Variants in BRD4 observed in about 807,000 individuals in gnomAD.
BRD4 encodes bromodomain containing 4.
Under a neutral mutation model 142.1 loss-of-function variants are expected in BRD4, and 16 were observed. The observed-to-expected ratio is 0.11, with a 90% CI of 0.08 to 0.17. The LOEUF (loss-of-function observed/expected upper bound fraction) is 0.17. Ranked by LOEUF, BRD4 falls within the 10% of genes least tolerant of loss-of-function variation. BRD4 has a pLI of 1.00. For missense variants in BRD4, 1,424 were observed against 1,810.9 expected (o/e 0.79, Z 3.88); for synonymous variants, 833 against 707.5 (o/e 1.18, Z -2.82).
chr19:15,244,138 T>G, intron 13 of BRD4, 93 bp downstream of exon 13: 2 of 1,532,268 alleles, frequency 1.3e-6, no homozygotes, highest in Non-Finnish European at 1.7e-6. Flanking sequence ...CAGCTGAGGC[T>G]AAGAAGCTGC....
intron 1 of BRD4, among the ~76,000 whole-genome samples, chr19:15,323,179 A>T (rs1002761001): frequency 1.0e-3 from 27 of 26,874 alleles, no homozygotes; most frequent in Middle Eastern, 0.019. Flanking sequence ...CCATCTCTTT[A>T]AAAAAAAAAA....
In BRD4 at chr19:15,238,288, C is replaced by A; in HGVS notation, c.*89G>T. 1 of 1,581,372 alleles carries A rather than the reference C, an allele frequency of 6.3e-7. No homozygotes were observed. The highest frequency in any genetic ancestry group is 8.6e-7 in the Non-Finnish European group (1 of 1,162,218). Reference sequence around the variant, plus strand: ...GGCCAGGCCCTGAGGCATCCCCTGGCCGCTGATCCCACCTCCACCACCGCC... The same window carrying A: ...GGCCAGGCCCTGAGGCATCCCCTGGACGCTGATCCCACCTCCACCACCGCC... On this transcript the variant is annotated 3_prime_UTR_variant, in exon 20 of 20. Coordinates refer to ENST00000679869, the MANE Select transcript of BRD4 (RefSeq NM_001379291.1). The surrounding 1 kb of genome is among the most constrained non-coding windows in gnomAD (Gnocchi z 7.2).
intron 3 of BRD4, 64 bp from the exon 4 acceptor site, chr19:15,267,615 C>G: frequency 6.5e-7 from 1 of 1,535,836 alleles, no homozygotes; most frequent in Non-Finnish European, 8.8e-7. Flanking sequence ...GTAGACAGGG[C>G]ACCCCATGCC....
chr19:15,274,092 A>C (rs187929597), intron 1 of BRD4, among the ~76,000 whole-genome samples: 2 of 152,342 alleles, frequency 1.3e-5, no homozygotes, highest in South Asian at 2.1e-4. Context: ...TGGAGATAGG[A>C]GGCCAGTGAG....
intron 1 of BRD4, among the ~76,000 whole-genome samples, chr19:15,306,438 T>C (rs1400416660): frequency 1.3e-5 from 2 of 152,028 alleles, no homozygotes; most frequent in Non-Finnish European, 2.9e-5. Context: ...CTGGCTACTT[T>C]TTCCATTTTT....
chr19:15,235,955 TG>T lies in BRD4; in HGVS notation c.*2421del, dbSNP rs2047189178. 6.6e-6 allele frequency: 1 copy of T among 152,044 alleles called. No homozygotes were observed. Among genetic ancestry groups the T allele is most frequent in the Admixed American group, 6.6e-5 (1 of 15,266 alleles). The allele number at this position is 152,044 out of a possible 1,614,324, so 9.4% of individuals were successfully genotyped here. ...GTCTGAACAAAACAAGGAACAAAAATGAGTGGGTGGGATGAGATGGAAGAAA... is the reference window on the plus strand; with the variant it reads ...GTCTGAACAAAACAAGGAACAAAAATAGTGGGTGGGATGAGATGGAAGAAA... On this transcript the variant is annotated 3_prime_UTR_variant, in exon 20 of 20. Coordinates refer to ENST00000679869, the MANE Select transcript of BRD4 (RefSeq NM_001379291.1).
intron 1 of BRD4, among the ~76,000 whole-genome samples, chr19:15,311,832 C>CA (rs1568408397): frequency 6.6e-6 from 1 of 151,980 alleles, no homozygotes; most frequent in South Asian, 2.1e-4. Context: ...ACTCAACAAA[C>CA]AAAAAATACT....
chr19:15,289,021 G>A (rs1208226344), intron 1 of BRD4, among the ~76,000 whole-genome samples: 1 of 152,126 alleles, frequency 6.6e-6, no homozygotes, highest in Admixed American at 6.5e-5. Context: ...TAACAACCTA[G>A]GGAAAGCAAA....
rs2047201384 is a variant in BRD4, at chr19:15,237,339, T to C, written c.*1038A>G. The C allele has an allele frequency of 9.9e-6, 2 of 201,098 alleles. No homozygotes were observed. The highest frequency in any genetic ancestry group is 1.6e-3 in the Middle Eastern group (1 of 640). The allele number at this position is 201,098 out of a possible 1,614,324, so 12.5% of individuals were successfully genotyped here. ...TAATAAAGTTTGAAACTGAGTAAAA[T>C]ATAGGCAGGATTTTTTTTGTGTGTT... On this transcript the variant is annotated 3_prime_UTR_variant, in exon 20 of 20. Coordinates refer to ENST00000679869, the MANE Select transcript of BRD4 (RefSeq NM_001379291.1).
rs139527396 is a variant in BRD4 at position 15,241,357 on chromosome 19, TATAGAA to T, written c.3170-1341_3170-1336del. Among the ~76,000 whole-genome samples, 6 of 152,336 alleles carry T rather than the reference TATAGAA, an allele frequency of 3.9e-5. No individual in the cohort carries two copies. In the East Asian group the frequency reaches 9.7e-4, roughly 25 times the overall value. ...ACGGTAGGCTCCAGGGGCTGTGGTTTATAGAAACCACCTGCCTGCTGGTGGGTTCAG... is the reference window on the plus strand; with the variant it reads ...ACGGTAGGCTCCAGGGGCTGTGGTTTACCACCTGCCTGCTGGTGGGTTCAG... On this transcript the variant is annotated intron_variant, in intron 14 of 19. Coordinates refer to ENST00000679869, the MANE Select transcript of BRD4 (RefSeq NM_001379291.1).
chr19:15,329,799 T>C (rs186830579), intron 1 of BRD4, among the ~76,000 whole-genome samples: 25 of 152,292 alleles, frequency 1.6e-4, no homozygotes, highest in African/African-American at 5.1e-4. Context: ...TCTGAAGTCA[T>C]TCAATAACCT....
At chr19:15,324,041 G>C (rs1427410874) in intron 1 of BRD4, among the ~76,000 whole-genome samples, 1 of 152,186 alleles carries the variant, frequency 6.6e-6, no homozygotes, top group Non-Finnish European at 1.5e-5. Flanking sequence ...GTCAAGGCCA[G>C]AAGGGGGTGG....
intron 1 of BRD4, among the ~76,000 whole-genome samples, chr19:15,328,683 T>C (rs1452631176): frequency 1.3e-5 from 2 of 152,216 alleles, no homozygotes; most frequent in Non-Finnish European, 1.5e-5. Context: ...ATTGAGACTA[T>C]TTAAGGTGCT....
At chr19:15,287,802 CTT>C (rs1361984900) in intron 1 of BRD4, among the ~76,000 whole-genome samples, 1 of 151,794 alleles carries the variant, frequency 6.6e-6, no homozygotes, top group Admixed American at 6.6e-5. Flanking sequence ...GACAGTCTCC[CTT>C]TGTCGCCCAA....
chr19:15,274,420 G>A (rs1026893386), intron 1 of BRD4, among the ~76,000 whole-genome samples: 1 of 152,230 alleles, frequency 6.6e-6, no homozygotes. Context: ...TGGATCCCAA[G>A]ATGGAGGGTA....
At chr19:15,317,851 G>C (rs935428220) in intron 1 of BRD4, among the ~76,000 whole-genome samples, 12 of 152,252 alleles carry the variant, frequency 7.9e-5, no homozygotes, top group Non-Finnish European at 5.9e-5. Context: ...ACAGATAGCT[G>C]AGCTATTATT....
At chr19:15,274,968 C>T (rs1210478231) in intron 1 of BRD4, among the ~76,000 whole-genome samples, 1 of 151,964 alleles carries the variant, frequency 6.6e-6, no homozygotes, top group Non-Finnish European at 1.5e-5. Context: ...AAGTGATTCT[C>T]CCACCTCAGC....
intron 1 of BRD4, among the ~76,000 whole-genome samples, chr19:15,319,393 G>A (rs1022808120): frequency 3.9e-5 from 6 of 152,064 alleles, no homozygotes; most frequent in African/African-American, 1.2e-4. Flanking sequence ...TAGGCCAGGA[G>A]GCCGATGCTA....
chr19:15,286,631 A>G (rs1357043308), intron 1 of BRD4, among the ~76,000 whole-genome samples: 3 of 152,150 alleles, frequency 2.0e-5, no homozygotes, highest in Non-Finnish European at 4.4e-5. Context: ...TGCATGCCCC[A>G]CAGTCACAGC....
Sources: allele counts gnomAD v4.1 joint callset (sites outside exome capture counted in the v4.1 genomes callset), GRCh38; gene constraint gnomAD v4.1.1; non-coding constraint Gnocchi (gnomAD v3.1); transcripts MANE v1.5; gene names NCBI Gene and HGNC (gene_info 2026-07-23, HGNC 2026-07-21).